ANO4: variants seen among roughly 807,000 people sequenced by gnomAD.
ANO4 encodes the protein anoctamin 4.
ANO4 carries 69 observed loss-of-function variants against 141.9 expected under a neutral mutation model. That is an observed-to-expected ratio of 0.49 (90% CI 0.40 to 0.59). ANO4 has a LOEUF of 0.59. ANO4 is among the 20% of genes least tolerant of loss of function. The pLI, the probability that ANO4 is intolerant of heterozygous loss-of-function variation, is 0.00. For missense variants in ANO4, 894 were observed against 1,162.2 expected (o/e 0.77, Z 3.36); for synonymous variants, 350 against 394.3 (o/e 0.89, Z 1.33).
chr12:100,912,392 C>CAAAAAAAA (rs35934592), intron 2 of ANO4, among the ~76,000 whole-genome samples: 21 of 67,216 alleles, frequency 3.1e-4, no homozygotes, highest in East Asian at 4.0e-4. Flanking sequence ...AGGACTCTGT[C>CAAAAAAAA]AAAAAAAAAA....
intron 5 of ANO4, among the ~76,000 whole-genome samples, chr12:100,950,493 C>T (rs1432469718): frequency 6.6e-6 from 1 of 152,170 alleles, no homozygotes; most frequent in Non-Finnish European, 1.5e-5. Flanking sequence ...TAACTTGAGT[C>T]TTAGGCTGGA....
Position 101,101,912 on chromosome 12 carries a change from G to A in ANO4, c.2149+2192G>A, listed in dbSNP as rs538755156. ...AGCCTGGCCAATGTGGTGAAACGCC[G>A]TCTGTACTGAAAGATACAAAAATTA... is the stretch of plus-strand genomic sequence containing the variant. On this transcript the variant is annotated intron_variant, in intron 22 of 27. Coordinates refer to ENST00000392977, the MANE Select transcript of ANO4 (RefSeq NM_001286615.2). Among the ~76,000 whole-genome samples the A allele has an allele frequency of 5.0e-4, 76 of 152,138 alleles. No individual in the cohort carries two copies. In the South Asian group the frequency reaches 0.012, roughly 24 times the overall value.
At chr12:100,889,524 A>G (rs2040003070) in intron 1 of ANO4, among the ~76,000 whole-genome samples, 1 of 152,248 alleles carries the variant, frequency 6.6e-6, no homozygotes, top group South Asian at 2.1e-4. Flanking sequence ...AGAATCTACA[A>G]TGAACTCAAA....
chr12:100,998,648 A>G (rs1223784678), intron 8 of ANO4, among the ~76,000 whole-genome samples: 1 of 152,194 alleles, frequency 6.6e-6, no homozygotes, highest in Non-Finnish European at 1.5e-5. Context: ...GTCATTTTAT[A>G]TCTTATCACA....
At chr12:100,937,569 GACCAT>G (rs1157427285) in intron 3 of ANO4, among the ~76,000 whole-genome samples, 3 of 152,242 alleles carry the variant, frequency 2.0e-5, no homozygotes, top group African/African-American at 7.2e-5. Flanking sequence ...TGTATGAAAA[GACCAT>G]GGTTTTTTTT....
rs749608042 is a variant in ANO4, at chr12:101,026,399, C to T, written c.841+6259C>T. Among the ~76,000 whole-genome samples the T allele has an allele frequency of 2.6e-5, 4 of 152,162 alleles. 1 individual carries two copies. Among genetic ancestry groups the T allele is most frequent in the Middle Eastern group, 3.4e-3 (1 of 294 alleles). On this transcript the variant is annotated intron_variant, in intron 9 of 27. Coordinates refer to ENST00000392977, the MANE Select transcript of ANO4 (RefSeq NM_001286615.2). ...TTTAAGAAGACCCAATAAATGGAGA[C>T]ATATACTATGTTTATGAGTCAGAAG...
intron 25 of ANO4, 85 bp downstream of exon 25, chr12:101,116,883 G>A: frequency 6.4e-7 from 1 of 1,573,486 alleles, no homozygotes; most frequent in Non-Finnish European, 8.7e-7. Context: ...CCTTCTGGCT[G>A]AGTGTGTTTA....
chr12:100,948,959 G>T lies in ANO4; in HGVS notation c.456+6424G>T, dbSNP rs185556673. ...GACCCTCCTTGCTGGCTTTGAAGAA[G>T]TAAGCTACCATATTGTGAGACAGCC... On this transcript the variant is annotated intron_variant, in intron 5 of 27. Coordinates refer to ENST00000392977, the MANE Select transcript of ANO4 (RefSeq NM_001286615.2). 1.6e-3 allele frequency among the ~76,000 whole-genome samples: 244 copies of T among 152,308 alleles called. 1 individual carries two copies. Among genetic ancestry groups the T allele is most frequent in the Admixed American group, 0.014 (218 of 15,298 alleles).
chr12:100,992,410 C>T (rs1469207956), intron 8 of ANO4, among the ~76,000 whole-genome samples: 1 of 152,114 alleles, frequency 6.6e-6, no homozygotes, highest in African/African-American at 2.4e-5. Flanking sequence ...TGCCCCAGGA[C>T]ATTTGCATAT....
chr12:100,911,769 AC>A (rs1422255662), intron 2 of ANO4, among the ~76,000 whole-genome samples: 1 of 152,126 alleles, frequency 6.6e-6, no homozygotes, highest in East Asian at 1.9e-4. Context: ...TTAAGGAGAG[AC>A]TTTTAAAAGA....
Position 100,776,206 on chromosome 12 carries a change from G to C in ANO4, c.358+36101G>C, listed in dbSNP as rs561835638. Among the ~76,000 whole-genome samples, 14 of 152,308 alleles carry C rather than the reference G, an allele frequency of 9.2e-5. 1 individual carries two copies. Among genetic ancestry groups the C allele is most frequent in the African/African-American group, 3.1e-4 (13 of 41,576 alleles). On this transcript the variant is annotated intron_variant, in intron 3 of 29. Coordinates refer to the ANO4 transcript ENST00000644049. ...TAGCCAGGAATGAGGAGACCCAGGA[G>C]TCCAGGCCAGGCAGTCTGGCTTCAC...
At chr12:100,981,787 C>T (rs1377692877) in intron 7 of ANO4, among the ~76,000 whole-genome samples, 2 of 152,148 alleles carry the variant, frequency 1.3e-5, no homozygotes, top group Admixed American at 6.5e-5. Context: ...ACATTGTAGG[C>T]AGTTTATAAA....
At chr12:100,774,423 T>A (rs1292852197) in intron 3 of ANO4, among the ~76,000 whole-genome samples, 1 of 152,080 alleles carries the variant, frequency 6.6e-6, no homozygotes, top group African/African-American at 2.4e-5. Flanking sequence ...GGTCATGGGG[T>A]GTAACTAATT....
chr12:100,943,073 G>A (rs2042581848), intron 5 of ANO4, among the ~76,000 whole-genome samples: 1 of 152,102 alleles, frequency 6.6e-6, no homozygotes, highest in Non-Finnish European at 1.5e-5. Flanking sequence ...CCTTACCAGT[G>A]TTTGGTTCTT....
intron 1 of ANO4, among the ~76,000 whole-genome samples, chr12:100,877,801 TTACAGATG>T (rs1386495948): frequency 6.6e-6 from 1 of 152,104 alleles, no homozygotes; most frequent in African/African-American, 2.4e-5. Context: ...GGCTCTTATT[TTACAGATG>T]AAGGGACTAG....
rs749212747 is a variant in ANO4, at chr12:101,039,977, C to CG, written c.920_921insG (p.Ile308HisfsTer15). 3.7e-6 allele frequency: 6 copies of CG among 1,612,604 alleles called. No individual in the cohort carries two copies. The African/African-American group carries it at 8.0e-5, about 22-fold the overall frequency. ...CAGGGAAGTTATAGAAGTAAAAACT[C>CG]CATTCGAACCCATGGAGCAGAAAAC... On this transcript the variant is annotated frameshift_variant, in exon 11 of 28. Coordinates refer to ENST00000392977, the MANE Select transcript of ANO4 (RefSeq NM_001286615.2). LOFTEE classifies it high-confidence loss of function.
rs569262090 is a variant in ANO4 at position 101,126,636 on chromosome 12, G to GAATT, written c.2677-237_2677-234dup. ...GAATACATTCTTCTGGCTCTCCTTT[G>GAATT]AATTAATTATCTGACCATTCTTTTC... On this transcript the variant is annotated intron_variant, in intron 26 of 27. Coordinates refer to ENST00000392977, the MANE Select transcript of ANO4 (RefSeq NM_001286615.2). Among the ~76,000 whole-genome samples, 273 of 152,240 alleles carry GAATT rather than the reference G, an allele frequency of 1.8e-3. 3 individuals are homozygous for GAATT. The highest frequency in any genetic ancestry group is 6.1e-3 in the African/African-American group (253 of 41,542).
intron 5 of ANO4, among the ~76,000 whole-genome samples, chr12:100,942,975 T>A (rs2042578267): frequency 6.6e-6 from 1 of 152,216 alleles, no homozygotes; most frequent in Non-Finnish European, 1.5e-5. Flanking sequence ...CTGGCCAATT[T>A]GGCCAAAAGC....
Position 101,097,631 on chromosome 12 carries a change from T to A in ANO4, c.1851-20T>A. The A allele has an allele frequency of 6.2e-7, 1 of 1,613,040 alleles. No homozygotes were observed. ...TTGGACCTAGAGCACTAATGGCTTG[T>A]TTTTCTCTGTGTGTTGAAGATTTAC... is the stretch of plus-strand genomic sequence containing the variant. On this transcript the variant is annotated intron_variant, in intron 19 of 27. Coordinates refer to ENST00000392977, the MANE Select transcript of ANO4 (RefSeq NM_001286615.2).
Sources: gnomAD v4.1 joint callset for allele counts (sites outside exome capture counted in the v4.1 genomes callset) on GRCh38, gnomAD v4.1.1 for gene constraint, MANE v1.5 for transcripts, NCBI Gene and HGNC (gene_info 2026-07-23, HGNC 2026-07-21) for gene names.